PIK3AP1: variants seen among roughly 807,000 people sequenced by gnomAD.
The protein encoded by PIK3AP1 is phosphoinositide 3-kinase adapter protein 1.
A neutral mutation model predicts 88.1 loss-of-function variants in PIK3AP1; 21 were observed. The observed-to-expected ratio is 0.24, with a 90% CI of 0.17 to 0.34. The LOEUF (loss-of-function observed/expected upper bound fraction) is 0.34. PIK3AP1 is among the 10% of genes least tolerant of loss of function. The probability of loss-of-function intolerance (pLI) is 1.00; values close to 1 mark genes in which losing one functional copy is unlikely to be tolerated. For missense variants in PIK3AP1, 828 were observed against 1,035.7 expected (o/e 0.80, Z 2.75); for synonymous variants, 398 against 400.0 (o/e 1.00, Z 0.06).
chr10:96,635,277 A>T (rs1843297698), intron 8 of PIK3AP1, among the ~76,000 whole-genome samples: 1 of 152,228 alleles, frequency 6.6e-6, no homozygotes, highest in South Asian at 2.1e-4. Context: ...AGTGAAGGAA[A>T]GAGAGGACAG....
In PIK3AP1 at chr10:96,623,491, G is replaced by A; in HGVS notation, c.1716C>T (p.Ser572=). 1 of 1,612,094 alleles carries A rather than the reference G, an allele frequency of 6.2e-7. No individual in the cohort carries two copies. The highest frequency in any genetic ancestry group is 8.5e-7 in the Non-Finnish European group (1 of 1,178,530). Residue 572 remains serine (S), a synonymous_variant, in exon 11 of 17, where the codon TCC becomes TCT. Transcript: ENST00000339364. The stretch of plus-strand genomic sequence containing the variant: ...GCTTACCTTTCCTGATGCTCTCTGA[G>A]GAAACGTAGAAATTCCCAGGCCGCT... The part of the protein sequence containing the change: ...SQERPGNFYV[S]SESIRKGPPV...
At position 96,697,650 on chromosome 10, in the gene PIK3AP1, G is replaced by A. The variant is rs1264278476; in HGVS notation, c.430+11917C>T. 3.3e-5 allele frequency among the ~76,000 whole-genome samples: 5 copies of A among 152,238 alleles called. No homozygotes were observed. The East Asian group carries it at 9.7e-4, about 29-fold the overall frequency. ...AGGCTGAGATGAGAGGATCGCTTGA[G>A]CCTGGAAGGTTGAGGCTTCAGTGAG... is the stretch of plus-strand genomic sequence containing the variant. On this transcript the variant is annotated intron_variant, in intron 2 of 16. Coordinates refer to ENST00000339364, the MANE Select transcript of PIK3AP1 (RefSeq NM_152309.3).
chr10:96,658,848 G>T (rs1423641026), intron 2 of PIK3AP1, among the ~76,000 whole-genome samples: 1 of 146,596 alleles, frequency 6.8e-6, no homozygotes, highest in African/African-American at 2.4e-5. Context: ...TCTACGCAAG[G>T]CGATATGGTT....
At chr10:96,652,621 G>A (rs1223967358) in intron 4 of PIK3AP1, 77 bp downstream of exon 4, 2 of 1,490,654 alleles carry the variant, frequency 1.3e-6, no homozygotes, top group Non-Finnish European at 1.9e-6. Flanking sequence ...ATAATACCTG[G>A]CATTGGTGGC....
In PIK3AP1 at chr10:96,617,697, G is replaced by A. The variant is rs189865158; in HGVS notation, c.1942-986C>T. On this transcript the variant is annotated intron_variant, in intron 12 of 16. Coordinates refer to ENST00000339364, the MANE Select transcript of PIK3AP1 (RefSeq NM_152309.3). Reference sequence around the variant, plus strand: ...GCAAGAGGACAAATGCCGCAGAGCAGGACCAAGCAGGACACACCGCTGACT... The same window carrying A: ...GCAAGAGGACAAATGCCGCAGAGCAAGACCAAGCAGGACACACCGCTGACT... Among the ~76,000 whole-genome samples, 8 of 152,300 alleles carry A rather than the reference G, an allele frequency of 5.3e-5. No individual in the cohort carries two copies. In the East Asian group the frequency reaches 1.4e-3, roughly 26 times the overall value.
chr10:96,679,330 C>A (rs1290167153), intron 2 of PIK3AP1, among the ~76,000 whole-genome samples: 3 of 152,052 alleles, frequency 2.0e-5, no homozygotes, highest in Non-Finnish European at 4.4e-5. Flanking sequence ...GAGTTTGAGA[C>A]CAGCCTGGCC....
chr10:96,684,964 T>C (rs1249421842), intron 2 of PIK3AP1, among the ~76,000 whole-genome samples: 1 of 152,166 alleles, frequency 6.6e-6, no homozygotes. Flanking sequence ...GGTTTTTTGT[T>C]TGTGTTTGCT....
intron 2 of PIK3AP1, among the ~76,000 whole-genome samples, chr10:96,680,433 A>AT (rs1489349868): frequency 6.6e-6 from 1 of 151,780 alleles, no homozygotes; most frequent in Non-Finnish European, 1.5e-5. Context: ...TCCAATAGTT[A>AT]TTTTTTCTGA....
At chr10:96,718,514 A>G (rs1844531826) in intron 1 of PIK3AP1, among the ~76,000 whole-genome samples, 1 of 152,122 alleles carries the variant, frequency 6.6e-6, no homozygotes, top group South Asian at 2.1e-4. Context: ...GTGTCTCGCC[A>G]CAGAAGACGC....
At chr10:96,631,067 C>A (rs1345449292) in intron 8 of PIK3AP1, among the ~76,000 whole-genome samples, 1 of 152,126 alleles carries the variant, frequency 6.6e-6, no homozygotes, top group Non-Finnish European at 1.5e-5. Context: ...GAACTTACCC[C>A]CAAGGGAAGA....
chr10:96,626,892 T>C lies in PIK3AP1; in HGVS notation c.1485A>G (p.Gly495=). The C allele has an allele frequency of 1.9e-6, 3 of 1,613,958 alleles. No individual in the cohort carries two copies. The highest frequency in any genetic ancestry group is 2.5e-6 in the Non-Finnish European group (3 of 1,179,794). The change falls in exon 10 of 17, where the codon GGA becomes GGG. Residue 495 remains glycine (G), a synonymous_variant. Coordinates refer to ENST00000339364, the MANE Select transcript of PIK3AP1 (RefSeq NM_152309.3). ...IRKFLEGNSM[G]MTNLERDQCH... The stretch of plus-strand genomic sequence containing the variant: ...ACTGATCTCTCTCCAGATTGGTCAT[T>C]CCCATGCTGTTGCCTAGAAACGCAG...
chr10:96,651,200 G>T, intron 6 of PIK3AP1, 48 bp downstream of exon 6: 5 of 1,611,274 alleles, frequency 3.1e-6, no homozygotes, highest in Non-Finnish European at 4.2e-6. Flanking sequence ...AAACCAGCAG[G>T]CTAGAATCAG....
chr10:96,597,337 TCCC>T (rs1848785289), intron 16 of PIK3AP1, among the ~76,000 whole-genome samples: 2 of 6,286 alleles, frequency 3.2e-4, no homozygotes, highest in Non-Finnish European at 5.7e-4. Context: ...CTTCTTTCCT[TCCC>T]TCCCTCCCTC....
chr10:96,700,874 C>T (rs920574039), intron 2 of PIK3AP1: 2 of 985,534 alleles, frequency 2.0e-6, no homozygotes, highest in Non-Finnish European at 2.4e-6. Context: ...ACTCCCTTCT[C>T]TTCTCTCAGG....
intron 1 of PIK3AP1, among the ~76,000 whole-genome samples, chr10:96,710,388 A>G (rs1844423865): frequency 1.3e-5 from 2 of 151,922 alleles, no homozygotes; most frequent in African/African-American, 4.8e-5. Flanking sequence ...CGCCAAGCTA[A>G]TTTTTGTAGT....
chr10:96,601,239 T>G (rs1848883903), intron 16 of PIK3AP1, among the ~76,000 whole-genome samples: 1 of 152,030 alleles, frequency 6.6e-6, no homozygotes, highest in Admixed American at 6.6e-5. Context: ...TTTGGGAGGC[T>G]GAGGCGAGCA....
At chr10:96,598,390 C>T (rs1046274478) in intron 16 of PIK3AP1, among the ~76,000 whole-genome samples, 3 of 152,040 alleles carry the variant, frequency 2.0e-5, no homozygotes, top group Admixed American at 6.6e-5. Flanking sequence ...CATCTATAAC[C>T]CCCCTGCATA....
At chr10:96,657,690 T>G (rs1843633663) in intron 2 of PIK3AP1, among the ~76,000 whole-genome samples, 1 of 152,150 alleles carries the variant, frequency 6.6e-6, no homozygotes, top group African/African-American at 2.4e-5. Flanking sequence ...CATGCACATG[T>G]GTATGCATTT....
rs1047558389 is a variant in PIK3AP1, at chr10:96,720,290, A to G, written c.13+92T>C. ...GGCAAGATCCCCGCACAGAGGACGC[A>G]AACAGAAGCAAGCGGGGGAGCGCGC... On this transcript the variant is annotated intron_variant, in intron 1 of 16. Coordinates refer to ENST00000339364, the MANE Select transcript of PIK3AP1 (RefSeq NM_152309.3). This position sits in a 1 kb window ranked among gnomAD's most constrained non-coding sequence, Gnocchi z 4.6. 7 of 1,193,142 alleles carry G rather than the reference A, an allele frequency of 5.9e-6. No individual in the cohort carries two copies. The Admixed American group carries it at 1.7e-4, about 29-fold the overall frequency. 73.9% of individuals were successfully genotyped at this position (1,193,142 alleles called of 1,614,324 possible).
Sources: gnomAD v4.1 joint callset for allele counts (sites outside exome capture counted in the v4.1 genomes callset) on GRCh38, gnomAD v4.1.1 for gene constraint, Gnocchi (gnomAD v3.1) non-coding constraint, MANE v1.5 for transcripts, NCBI Gene and HGNC (gene_info 2026-07-23, HGNC 2026-07-21) for gene names.